Variants in NFIB observed in about 807,000 individuals in gnomAD.
NFIB encodes the protein nuclear factor 1 B-type.
In NFIB, 11 loss-of-function variants were observed where a neutral mutation model predicts 61.5. The ratio of observed to expected loss-of-function variants is 0.18; its 90% CI spans 0.11 to 0.30. The LOEUF (loss-of-function observed/expected upper bound fraction) is 0.30, where lower values mean the gene tolerates loss of function less well. Ranked by LOEUF, NFIB falls within the 10% of genes least tolerant of loss-of-function variation. The pLI, the probability that NFIB is intolerant of heterozygous loss-of-function variation, is 1.00. For missense variants in NFIB, 471 were observed against 608.9 expected, an observed-to-expected ratio of 0.77 and a Z score of 2.38; for synonymous variants, 260 against 216.5, an observed-to-expected ratio of 1.20 and a Z score of -1.76.
chr9:14,516,082 C>G, the NFIB span, among the ~76,000 whole-genome samples: 4 of 152,226 alleles, frequency 2.6e-5, no homozygotes, highest in Admixed American at 2.0e-4. Flanking sequence ...TGAATTTAGC[C>G]CCACAGCAGC....
intron 1 of NFIB, among the ~76,000 whole-genome samples, chr9:14,367,158 G>A (rs938195394): frequency 2.6e-5 from 4 of 152,164 alleles, no homozygotes; most frequent in African/African-American, 9.7e-5. Context: ...CTCTACTTGG[G>A]TATGGGAATG....
At chr9:14,215,412 TAATA>T (rs969024587) in intron 2 of NFIB, among the ~76,000 whole-genome samples, 1 of 151,444 alleles carries the variant, frequency 6.6e-6, no homozygotes, top group African/African-American at 2.5e-5. Context: ...AAAAGTTAAC[TAATA>T]AATAAGTAAA....
At chr9:14,340,984 C>T (rs2060942973) in intron 1 of NFIB, among the ~76,000 whole-genome samples, 1 of 152,146 alleles carries the variant, frequency 6.6e-6, no homozygotes, top group South Asian at 2.1e-4. Flanking sequence ...TCGTTGTACC[C>T]ATTGCAGTAA....
Position 14,088,166 on chromosome 9 carries a change from T to C in NFIB, c.*143A>G. 3 of 1,428,334 alleles carry C rather than the reference T, an allele frequency of 2.1e-6. No homozygotes were observed. The highest frequency in any genetic ancestry group is 2.8e-6 in the Non-Finnish European group (3 of 1,080,142). 88.5% of individuals were successfully genotyped at this position (1,428,334 alleles called of 1,614,324 possible). Reference sequence around the variant, plus strand: ...CTTTTTTTTTATTTAAAAAAAAAATTTCTTAAACTATTGTTGTGTTTCTTT... The same window carrying C: ...CTTTTTTTTTATTTAAAAAAAAAATCTCTTAAACTATTGTTGTGTTTCTTT... On this transcript the variant is annotated 3_prime_UTR_variant, in exon 11 of 11. Coordinates refer to ENST00000380953, the MANE Select transcript of NFIB (RefSeq NM_001190737.2).
intron 2 of NFIB, among the ~76,000 whole-genome samples, chr9:14,187,065 G>GTGTGTGTA (rs1563879571): frequency 6.4e-4 from 84 of 130,920 alleles, no homozygotes; most frequent in Middle Eastern, 4.0e-3. Flanking sequence ...GTGTGTGTGT[G>GTGTGTGTA]TGTGTGTGCC....
At chr9:14,291,945 T>A (rs568842500) in intron 2 of NFIB, among the ~76,000 whole-genome samples, 1 of 152,192 alleles carries the variant, frequency 6.6e-6, no homozygotes, top group African/African-American at 2.4e-5. Context: ...ATTTAGTGTA[T>A]CTTCCATCCA....
chr9:14,446,905 C>G, the NFIB span, among the ~76,000 whole-genome samples: 1 of 152,094 alleles, frequency 6.6e-6, no homozygotes, highest in Non-Finnish European at 1.5e-5. Flanking sequence ...GAAAAATTTT[C>G]AAACAAATCT....
chr9:14,245,999 T>C (rs1001399421), intron 2 of NFIB, among the ~76,000 whole-genome samples: 1 of 151,990 alleles, frequency 6.6e-6, no homozygotes, highest in African/African-American at 2.4e-5. Flanking sequence ...AGGAGTGTTT[T>C]GAAGAATGAA....
At chr9:14,188,806 T>C (rs997577153) in intron 2 of NFIB, among the ~76,000 whole-genome samples, 3 of 152,208 alleles carry the variant, frequency 2.0e-5, no homozygotes, top group African/African-American at 7.2e-5. Context: ...CTATGTAATA[T>C]ACATTTTTTC....
the NFIB span, among the ~76,000 whole-genome samples, chr9:14,481,224 T>C: frequency 9.3e-6 from 1 of 107,142 alleles, no homozygotes; most frequent in Non-Finnish European, 2.0e-5. Flanking sequence ...TATATATATA[T>C]ATATATATGT....
intron 6 of NFIB, among the ~76,000 whole-genome samples, chr9:14,144,549 A>T (rs2042087946): frequency 6.6e-6 from 1 of 152,200 alleles, no homozygotes; most frequent in African/African-American, 2.4e-5. Context: ...GTTCATTTAT[A>T]CAACTACTTA....
the NFIB span, among the ~76,000 whole-genome samples, chr9:14,443,760 G>A: frequency 1.3e-5 from 2 of 152,202 alleles, no homozygotes; most frequent in Admixed American, 6.5e-5. Context: ...AAATCTAGTG[G>A]CTTAAATCTC....
intron 1 of NFIB, among the ~76,000 whole-genome samples, chr9:14,375,356 C>G (rs527392570): frequency 6.6e-6 from 1 of 152,124 alleles, no homozygotes; most frequent in South Asian, 2.1e-4. Flanking sequence ...AGGAGCTTCT[C>G]CAGAAGTACC....
intron 2 of NFIB, among the ~76,000 whole-genome samples, chr9:14,280,877 T>C (rs950445567): frequency 5.9e-5 from 9 of 152,228 alleles, no homozygotes; most frequent in East Asian, 3.8e-4. Flanking sequence ...GATTCTTTTA[T>C]ATGTTATATA....
At chr9:14,185,872 G>T (rs2047282920) in intron 2 of NFIB, among the ~76,000 whole-genome samples, 1 of 152,150 alleles carries the variant, frequency 6.6e-6, no homozygotes, top group African/African-American at 2.4e-5. Flanking sequence ...GGGTGGATAA[G>T]ACATACTATT....
chr9:14,152,937 A>C (rs1188681385), intron 4 of NFIB, among the ~76,000 whole-genome samples: 1 of 152,092 alleles, frequency 6.6e-6, no homozygotes, highest in East Asian at 1.9e-4. Flanking sequence ...AATAGACAGA[A>C]AGAATAATTT....
At chr9:14,137,727 C>T (rs1260496942) in intron 6 of NFIB, among the ~76,000 whole-genome samples, 1 of 151,970 alleles carries the variant, frequency 6.6e-6, no homozygotes, top group Non-Finnish European at 1.5e-5. Flanking sequence ...TAAATATATA[C>T]TTTATTTTTA....
chr9:14,317,871 G>A (rs974136711), upstream of NFIB, among the ~76,000 whole-genome samples: 11 of 152,212 alleles, frequency 7.2e-5, no homozygotes, highest in African/African-American at 1.9e-4. Flanking sequence ...AGGAGGAACT[G>A]AGAAAGTGCC....
intron 5 of NFIB, among the ~76,000 whole-genome samples, chr9:14,149,437 G>T (rs1283396255): frequency 6.6e-6 from 1 of 151,850 alleles, no homozygotes; most frequent in African/African-American, 2.4e-5. Context: ...GATGGGTCTT[G>T]AAGATCTAGC....
Sources: gnomAD v4.1 joint callset for allele counts (sites outside exome capture counted in the v4.1 genomes callset) on GRCh38, gnomAD v4.1.1 for gene constraint, MANE v1.5 for transcripts, NCBI Gene and HGNC (gene_info 2026-07-23, HGNC 2026-07-21) for gene names.